PDE4DIP: variants seen among roughly 807,000 people sequenced by gnomAD.
PDE4DIP encodes the protein myomegalin.
PDE4DIP carries 59 observed loss-of-function variants against 221.4 expected under a neutral mutation model. The ratio of observed to expected loss-of-function variants is 0.27; its 90% CI spans 0.22 to 0.33. PDE4DIP has a LOEUF of 0.33. Among genes scored for constraint, PDE4DIP ranks in the 10% least tolerant of loss-of-function variants. The pLI, the probability that PDE4DIP is intolerant of heterozygous loss-of-function variation, is 1.00. For missense variants in PDE4DIP, 1,036 were observed against 2,154.2 expected (o/e 0.48, Z 10.28); for synonymous variants, 404 against 815.9 (o/e 0.50, Z 8.60).
intron 17 of PDE4DIP, among the ~76,000 whole-genome samples, chr1:148,975,839 T>C (rs1244291870): frequency 2.6e-5 from 4 of 152,172 alleles, no homozygotes; most frequent in Non-Finnish European, 4.4e-5. Flanking sequence ...AGCTCTTAGT[T>C]TTTTTCTACC....
At chr1:148,986,782 G>C (rs185731337) in intron 21 of PDE4DIP, among the ~76,000 whole-genome samples, 1 of 152,280 alleles carries the variant, frequency 6.6e-6, no homozygotes, top group African/African-American at 2.4e-5. Flanking sequence ...GAGGTTTCAG[G>C]AGCCAACTGT....
chr1:148,982,300 T>C (rs749439148), intron 21 of PDE4DIP: 1 of 152,218 alleles, frequency 6.6e-6, no homozygotes, highest in Non-Finnish European at 1.5e-5. Context: ...CTCTTTACAT[T>C]CAGTGTTTCA....
chr1:148,949,887 A>T (rs1286699575), intron 5 of PDE4DIP, among the ~76,000 whole-genome samples: 1 of 150,782 alleles, frequency 6.6e-6, no homozygotes, highest in Non-Finnish European at 1.5e-5. Flanking sequence ...GTTTATTCCC[A>T]TCTGTTTTTG....
intron 1 of PDE4DIP, among the ~76,000 whole-genome samples, chr1:148,917,343 A>G (rs2044324173): frequency 7.0e-6 from 1 of 143,532 alleles, no homozygotes; most frequent in Non-Finnish European, 1.5e-5. Flanking sequence ...AAATAAAACA[A>G]GCAGAACACC....
chr1:149,021,272 C>T (rs199903289), intron 37 of PDE4DIP, 119 bp downstream of exon 40: 38,478 of 731,936 alleles, frequency 0.053, 1,451 homozygotes, highest in African/African-American at 0.17. Context: ...TTGCAGAAAC[C>T]CCCACCCGAG....
chr1:148,927,539 CTGCTATTGTATGT>C (rs2046988467), intron 1 of PDE4DIP, among the ~76,000 whole-genome samples: 1 of 151,980 alleles, frequency 6.6e-6, no homozygotes, highest in Non-Finnish European at 1.5e-5. Context: ...AGAAAATATG[CTGCTATTGTATGT>C]TGCCTTGGAC....
chr1:148,931,667 G>A (rs1389369771), intron 2 of PDE4DIP, 133 bp from the exon 6 acceptor site: 73 of 921,024 alleles, frequency 7.9e-5, no homozygotes, highest in Non-Finnish European at 1.1e-4. Context: ...ATGCTTACAC[G>A]CTGTTGGTGG....
intron 34 of PDE4DIP, chr1:149,018,272 A>G (rs1315010573): frequency 1.6e-5 from 7 of 425,822 alleles, no homozygotes; most frequent in East Asian, 7.9e-5. Context: ...CAGTCTTTCC[A>G]TATGTTGTTG....
intron 21 of PDE4DIP, 170 bp downstream of exon 24, chr1:148,981,567 C>T (rs1253070491): frequency 8.4e-6 from 6 of 710,110 alleles, no homozygotes; most frequent in Non-Finnish European, 1.4e-5. Flanking sequence ...GTACAAGTAG[C>T]ATCAACTACA....
exon 9 of PDE4DIP, chr1:148,962,609 A>G: frequency 5.1e-6 from 3 of 588,694 alleles, no homozygotes; most frequent in East Asian, 2.7e-5. Flanking sequence ...GAGAGTGAAC[A>G]GCAGAAAGAG....
chr1:148,850,789 AAT>A, intron 1 of PDE4DIP, among the ~76,000 whole-genome samples: 1 of 104,454 alleles, frequency 9.6e-6, no homozygotes, highest in Middle Eastern at 3.8e-3. Context: ...CTGGTTTCAA[AAT>A]TTAAGAATTT....
At chr1:149,028,535 C>T (rs1553632270) in intron 40 of PDE4DIP, 25 bp from the exon 44 acceptor site, 4 of 1,606,544 alleles carry the variant, frequency 2.5e-6, no homozygotes, top group Admixed American at 1.7e-5. Flanking sequence ...AATCTCTCCG[C>T]TCCTGTGGTG....
chr1:149,030,556 A>G (rs78642682), intron 43 of PDE4DIP: 4 of 868,096 alleles, frequency 4.6e-6, no homozygotes, highest in Admixed American at 6.2e-5. Context: ...GGCCAAGTTC[A>G]GAGACTGGAG....
chr1:149,017,833 A>G (rs782437913), exon 34 of PDE4DIP: 3 of 1,613,580 alleles, frequency 1.9e-6, no homozygotes, highest in Admixed American at 1.7e-5. Flanking sequence ...ATGACCGCCT[A>G]CGGGAGCAAC....
chr1:148,949,850 A>G (rs1553486221), intron 5 of PDE4DIP, among the ~76,000 whole-genome samples: 3 of 151,426 alleles, frequency 2.0e-5, no homozygotes, highest in Admixed American at 6.6e-5. Flanking sequence ...ACAGAGTGCC[A>G]TCTTCGAATA....
chr1:148,919,915 C>G (rs1459178466), intron 1 of PDE4DIP, among the ~76,000 whole-genome samples: 1 of 145,498 alleles, frequency 6.9e-6, no homozygotes, highest in Non-Finnish European at 1.5e-5. Context: ...TTGCTTCCTA[C>G]TATCTTGCAA....
At chr1:148,863,481 T>C (rs1778693) in intron 2 of PDE4DIP, among the ~76,000 whole-genome samples, 176 bp downstream of exon 2, 1 of 91,450 alleles carries the variant, frequency 1.1e-5, no homozygotes, top group African/African-American at 4.8e-5. Context: ...CTCAGCCTCC[T>C]GAGTAGCTGG....
rs587613973 is a variant in PDE4DIP, at chr1:148,946,231, G to A, written c.636+8367G>A. On this transcript the variant is annotated intron_variant, in intron 5 of 43. Coordinates refer to ENST00000369354, the Ensembl canonical transcript of PDE4DIP. ...GTTCCAGAGTCAAGGGAATGCTAAG[G>A]GCTTAACCATCAGATTAGAAAAGAG... 2.2e-3 allele frequency among the ~76,000 whole-genome samples: 326 copies of A among 147,648 alleles called. 1 individual carries two copies. Among genetic ancestry groups the A allele is most frequent in the African/African-American group, 7.7e-3 (308 of 40,122 alleles).
At chr1:149,022,978 T>A (rs2073563062) in intron 37 of PDE4DIP, among the ~76,000 whole-genome samples, 1 of 152,270 alleles carries the variant, frequency 6.6e-6, no homozygotes, top group African/African-American at 2.4e-5. Flanking sequence ...AAGCAAAATT[T>A]AGTGAGAAGT....
Sources: allele counts gnomAD v4.1 joint callset (sites outside exome capture counted in the v4.1 genomes callset), GRCh38; gene constraint gnomAD v4.1.1; transcripts MANE v1.5; gene names NCBI Gene and HGNC (gene_info 2026-07-23, HGNC 2026-07-21).